CAMTA1: variants seen among roughly 807,000 people sequenced by gnomAD.
The protein encoded by CAMTA1 is calmodulin binding transcription activator 1.
In CAMTA1, 27 loss-of-function variants were observed where a neutral mutation model predicts 170.9. The ratio of observed to expected loss-of-function variants is 0.16; its 90% CI spans 0.12 to 0.22. The LOEUF (loss-of-function observed/expected upper bound fraction) is 0.22. Among genes scored for constraint, CAMTA1 ranks in the 10% least tolerant of loss-of-function variants. The pLI, the probability that CAMTA1 is intolerant of heterozygous loss-of-function variation, is 1.00. For synonymous variants in CAMTA1, 833 were observed against 891.5 expected (o/e 0.93, Z 1.17); for missense variants, 1,619 against 2,217.2 (o/e 0.73, Z 5.42).
intron 3 of CAMTA1, among the ~76,000 whole-genome samples, chr1:6,826,555 A>G (rs1041273977): frequency 6.6e-6 from 1 of 152,226 alleles, no homozygotes; most frequent in African/African-American, 2.4e-5. Context: ...GAATTATTTA[A>G]AAACTCAGTG....
At chr1:7,603,363 G>C (rs1436789099) in intron 6 of CAMTA1, among the ~76,000 whole-genome samples, 1 of 152,296 alleles carries the variant, frequency 6.6e-6, no homozygotes, top group Admixed American at 6.5e-5. Context: ...GAATCTGGGT[G>C]CTCCTGTATT....
intron 3 of CAMTA1, among the ~76,000 whole-genome samples, chr1:6,903,995 C>G (rs77594852): frequency 4.4e-4 from 67 of 152,334 alleles, no homozygotes; most frequent in African/African-American, 1.6e-3. Flanking sequence ...ATTCCTCTCT[C>G]TTGAGTTCAA....
At chr1:7,060,619 AC>A (rs1387037999) in intron 3 of CAMTA1, among the ~76,000 whole-genome samples, 1 of 151,848 alleles carries the variant, frequency 6.6e-6, no homozygotes, top group Non-Finnish European at 1.5e-5. Context: ...CGTGTCTTAG[AC>A]CCCTTGGGAA....
intron 6 of CAMTA1, among the ~76,000 whole-genome samples, chr1:7,625,084 A>G (rs1441486907): frequency 6.6e-6 from 1 of 152,174 alleles, no homozygotes; most frequent in Non-Finnish European, 1.5e-5. Flanking sequence ...CATGGAGGCC[A>G]TTGGGATCAG....
At chr1:7,267,896 A>T (rs550036980) in intron 5 of CAMTA1, among the ~76,000 whole-genome samples, 1 of 152,226 alleles carries the variant, frequency 6.6e-6, no homozygotes, top group Non-Finnish European at 1.5e-5. Context: ...CCCAAGGGGT[A>T]GAGCTAAGTG....
chr1:7,013,899 G>A (rs1052989144), intron 3 of CAMTA1, among the ~76,000 whole-genome samples: 4 of 152,206 alleles, frequency 2.6e-5, no homozygotes, highest in Non-Finnish European at 5.9e-5. Context: ...CAACCCCAAC[G>A]ACAAGCAGCC....
At chr1:7,182,418 G>A (rs12033331) in intron 4 of CAMTA1, among the ~76,000 whole-genome samples, 37,163 of 151,328 alleles carry the variant, frequency 0.25, 4,650 homozygotes, top group Admixed American at 0.29. Context: ...ACCTGAGCCT[G>A]GGGAGGTCGA....
chr1:7,447,350 A>G (rs1475454952), intron 5 of CAMTA1, among the ~76,000 whole-genome samples: 1 of 132,286 alleles, frequency 7.6e-6, no homozygotes, highest in African/African-American at 2.8e-5. Flanking sequence ...GAGGGAGAGT[A>G]GGGGAGGGAA....
chr1:6,808,244 AGGAAT>A (rs1162497556), intron 1 of CAMTA1, among the ~76,000 whole-genome samples: 2 of 151,334 alleles, frequency 1.3e-5, no homozygotes, highest in African/African-American at 4.9e-5. Context: ...TTTTTAGTAG[AGGAAT>A]GGAATTGATT....
At chr1:7,506,895 C>T (rs533935369) in intron 6 of CAMTA1, among the ~76,000 whole-genome samples, 1 of 152,074 alleles carries the variant, frequency 6.6e-6, no homozygotes, top group African/African-American at 2.4e-5. Flanking sequence ...AAAATTCACA[C>T]TATCTCTTGC....
intron 4 of CAMTA1, among the ~76,000 whole-genome samples, chr1:7,164,872 G>A (rs1469166364): frequency 6.6e-6 from 1 of 152,116 alleles, no homozygotes; most frequent in Non-Finnish European, 1.5e-5. Flanking sequence ...TGCCCTCTTT[G>A]TTTCCTATTT....
intron 5 of CAMTA1, among the ~76,000 whole-genome samples, chr1:7,444,915 C>T (rs1291157281): frequency 6.6e-6 from 1 of 152,192 alleles, no homozygotes; most frequent in Non-Finnish European, 1.5e-5. Flanking sequence ...GAATATAGAA[C>T]TGAGTGTGAC....
At chr1:7,385,495 CAAGT>C (rs1016941679) in intron 5 of CAMTA1, among the ~76,000 whole-genome samples, 12 of 152,158 alleles carry the variant, frequency 7.9e-5, no homozygotes, top group Non-Finnish European at 1.8e-4. Context: ...TCCAAATGTG[CAAGT>C]ACTGGGCTCG....
At chr1:7,735,126 GGACT>G (rs1232430421) in intron 12 of CAMTA1, among the ~76,000 whole-genome samples, 3 of 152,070 alleles carry the variant, frequency 2.0e-5, no homozygotes, top group Non-Finnish European at 4.4e-5. Context: ...TTTACATAAA[GGACT>G]GGATTATTGG....
At chr1:6,841,338 G>A (rs1655609658) in intron 3 of CAMTA1, among the ~76,000 whole-genome samples, 1 of 152,256 alleles carries the variant, frequency 6.6e-6, no homozygotes, top group Admixed American at 6.5e-5. Flanking sequence ...CAGGTTCTGG[G>A]GATTAGGGTG....
At chr1:6,973,912 G>A (rs1692972899) in intron 3 of CAMTA1, among the ~76,000 whole-genome samples, 1 of 152,194 alleles carries the variant, frequency 6.6e-6, no homozygotes, top group Non-Finnish European at 1.5e-5. Flanking sequence ...GGGCTTTCAC[G>A]TTTCTGAATC....
intron 22 of CAMTA1, among the ~76,000 whole-genome samples, chr1:7,765,249 C>G (rs2097011139): frequency 1.3e-5 from 2 of 152,152 alleles, no homozygotes; most frequent in Admixed American, 1.3e-4. Flanking sequence ...TTTGATCATT[C>G]TGCTATTAAG....
rs540715579 is a variant in CAMTA1, at chr1:7,082,343, C to A, written c.235-8961C>A. ...ATCCCAGCTACTCAGGAGGCTGAAG[C>A]AGGAGAATCTCTTGAACCTATGAGG... On this transcript the variant is annotated intron_variant, in intron 3 of 22. Coordinates refer to ENST00000303635, the MANE Select transcript of CAMTA1 (RefSeq NM_015215.4). Among the ~76,000 whole-genome samples the A allele has an allele frequency of 7.2e-5, 11 of 152,288 alleles. No homozygotes were observed. The South Asian group carries it at 2.1e-3, about 29-fold the overall frequency.
At chr1:7,317,842 T>C (rs955269280) in intron 5 of CAMTA1, among the ~76,000 whole-genome samples, 3 of 152,140 alleles carry the variant, frequency 2.0e-5, no homozygotes, top group South Asian at 2.1e-4. Flanking sequence ...TTAAAAAAAA[T>C]AATAATTGTA....
Sources: gnomAD v4.1 joint callset for allele counts (sites outside exome capture counted in the v4.1 genomes callset) on GRCh38, gnomAD v4.1.1 for gene constraint, MANE v1.5 for transcripts, NCBI Gene and HGNC (gene_info 2026-07-23, HGNC 2026-07-21) for gene names.